Variants in MANBA observed in about 807,000 individuals in gnomAD.
MANBA encodes mannosidase beta.
MANBA carries 83 observed loss-of-function variants against 111.1 expected under a neutral mutation model. That is an observed-to-expected ratio of 0.75 (90% CI 0.63 to 0.90). The LOEUF (loss-of-function observed/expected upper bound fraction) is 0.90. MANBA is among the 40% of genes least tolerant of loss of function. The pLI is 0.00. For synonymous variants in MANBA, 370 were observed against 378.7 expected (o/e 0.98, Z 0.27); for missense variants, 1,036 against 1,069.0 (o/e 0.97, Z 0.43).
chr4:102,699,141 T>A (rs1293655196), intron 5 of MANBA, among the ~76,000 whole-genome samples: 1 of 152,194 alleles, frequency 6.6e-6, no homozygotes, highest in Non-Finnish European at 1.5e-5. Context: ...AGTTCACTCA[T>A]GATTTGGCCC....
intron 16 of MANBA, among the ~76,000 whole-genome samples, chr4:102,632,851 C>T (rs2110186331): frequency 6.6e-6 from 1 of 152,330 alleles, no homozygotes; most frequent in Non-Finnish European, 1.5e-5. Flanking sequence ...AGAGACAGTG[C>T]AATTTAAATC....
In MANBA at chr4:102,650,571, A is replaced by G; in HGVS notation, c.1835T>C (p.Leu612Ser). The G allele has an allele frequency of 6.2e-7, 1 of 1,613,488 alleles. No individual in the cohort carries two copies. Among genetic ancestry groups the G allele is most frequent in the South Asian group, 1.1e-5 (1 of 91,078 alleles). ...HFKLPQSTDP[L>S]RTFKDTIYLT... is the part of the protein sequence containing the mutation. ...GTAGATGGTATCTTTAAATGTGCGTAATGGATCTGTGCTTTGGGGGAGTTT... is the reference window on the plus strand; with the variant it reads ...GTAGATGGTATCTTTAAATGTGCGTGATGGATCTGTGCTTTGGGGGAGTTT... The change falls in exon 13 of 17, where the codon TTA becomes TCA. Residue 612 changes from leucine (L) to serine (S), a missense_variant. Physicochemically the swap from Leu to Ser is moderately radical, Grantham distance 145. Coordinates refer to ENST00000647097, the MANE Select transcript of MANBA (RefSeq NM_005908.4).
intron 7 of MANBA, among the ~76,000 whole-genome samples, chr4:102,681,365 C>T (rs1731968724): frequency 6.6e-6 from 1 of 152,030 alleles, no homozygotes; most frequent in Non-Finnish European, 1.5e-5. Context: ...AATTCTAAAG[C>T]ATTTTTTTCA....
At chr4:102,757,367 CACAG>C (rs1724068158) in intron 1 of MANBA, among the ~76,000 whole-genome samples, 1 of 152,034 alleles carries the variant, frequency 6.6e-6, no homozygotes, top group South Asian at 2.1e-4. Context: ...AATAACTTTT[CACAG>C]AGAACCCAAA....
chr4:102,631,963 G>A lies in MANBA; in HGVS notation c.*94C>T, dbSNP rs1470516321. ...GTGGCAGCACGCAGACATGTCTCTC[G>A]GCTTCTCTCCTTGTCTCTGTTGCCT... On this transcript the variant is annotated 3_prime_UTR_variant, in exon 17 of 17. Transcript: ENST00000647097. 26 of 1,086,556 alleles carry A rather than the reference G, an allele frequency of 2.4e-5. No homozygotes were observed. Among genetic ancestry groups the A allele is most frequent in the South Asian group, 8.9e-5 (7 of 78,538 alleles). 67.3% of individuals were successfully genotyped at this position (1,086,556 alleles called of 1,614,324 possible).
Position 102,631,848 on chromosome 4 carries a change from C to T in MANBA, c.*209G>A, listed in dbSNP as rs905941877. On this transcript the variant is annotated 3_prime_UTR_variant, in exon 17 of 17. Transcript: ENST00000647097. ...TGGCACAGATTCCAGGACACCCCGGCACAGGCTTGTTTGAGGACATTGCCT... is the reference window on the plus strand; with the variant it reads ...TGGCACAGATTCCAGGACACCCCGGTACAGGCTTGTTTGAGGACATTGCCT... 1 of 633,726 alleles carries T rather than the reference C, an allele frequency of 1.6e-6. No individual in the cohort carries two copies. Among genetic ancestry groups the T allele is most frequent in the Non-Finnish European group, 2.8e-6 (1 of 354,938 alleles). The allele number at this position is 633,726 out of a possible 1,614,324, so 39.3% of individuals were successfully genotyped here. A position where few individuals can be genotyped will look rare whatever the true frequency, so the allele number is the denominator to read the frequency against.
intron 1 of MANBA, among the ~76,000 whole-genome samples, chr4:102,732,523 T>C (rs28503223): frequency 6.6e-6 from 1 of 152,236 alleles, no homozygotes; most frequent in African/African-American, 2.4e-5. Context: ...ACAACATCAG[T>C]GGGAGTGTAT....
intron 1 of MANBA, among the ~76,000 whole-genome samples, chr4:102,740,251 C>T (rs1050754811): frequency 6.6e-6 from 1 of 152,042 alleles, no homozygotes. Context: ...ACATGAAAGA[C>T]CTCTACAAGG....
Position 102,657,936 on chromosome 4 carries a change from T to A in MANBA, c.1486-36A>T, listed in dbSNP as rs1730647152. ...AAATAAAATGAATTCAAGGATAATA[T>A]ATTCATCCTGTAAAGTATGTATCAT... is the stretch of plus-strand genomic sequence containing the variant. On this transcript the variant is annotated intron_variant, in intron 11 of 16. Coordinates refer to ENST00000647097, the MANE Select transcript of MANBA (RefSeq NM_005908.4). 3.6e-6 allele frequency: 5 copies of A among 1,373,182 alleles called. 1 individual carries two copies. In the East Asian group the frequency reaches 9.1e-5, roughly 25 times the overall value. 85.1% of individuals were successfully genotyped at this position (1,373,182 alleles called of 1,614,324 possible). A position where few individuals can be genotyped will look rare whatever the true frequency, so the allele number is the denominator to read the frequency against.
In MANBA at chr4:102,703,614, C is replaced by T. The variant is rs538173037; in HGVS notation, c.673+10824G>A. ...CTAGATCAGTGCTTGAGATATTCTGCAGACCCTGCACTGGATGGATCAGCT... is the reference window on the plus strand; with the variant it reads ...CTAGATCAGTGCTTGAGATATTCTGTAGACCCTGCACTGGATGGATCAGCT... On this transcript the variant is annotated intron_variant, in intron 5 of 16. Transcript: ENST00000647097. 5.3e-5 allele frequency among the ~76,000 whole-genome samples: 8 copies of T among 152,306 alleles called. No homozygotes were observed. In the East Asian group the frequency reaches 1.5e-3, roughly 29 times the overall value.
intron 5 of MANBA, among the ~76,000 whole-genome samples, chr4:102,701,553 T>G (rs1171144877): frequency 6.6e-6 from 1 of 151,978 alleles, no homozygotes; most frequent in Non-Finnish European, 1.5e-5. Flanking sequence ...AGGGCAGGCC[T>G]GGTGGTGACA....
chr4:102,731,565 G>A (rs1201546168), intron 1 of MANBA, among the ~76,000 whole-genome samples: 1 of 152,118 alleles, frequency 6.6e-6, no homozygotes, highest in African/African-American at 2.4e-5. Context: ...GCCACATTCA[G>A]CTCACTACAT....
chr4:102,651,627 G>GCTTA (rs563119890), intron 12 of MANBA, among the ~76,000 whole-genome samples: 2 of 152,008 alleles, frequency 1.3e-5, no homozygotes, highest in Non-Finnish European at 2.9e-5. Context: ...AATTAAAAAA[G>GCTTA]CTTAATCCCT....
chr4:102,752,421 A>C, intron 1 of MANBA: 1 of 918,044 alleles, frequency 1.1e-6, no homozygotes, highest in South Asian at 1.3e-5. Context: ...GCGTGACATT[A>C]GTAAAATGGT....
chr4:102,631,402 G>A lies in MANBA; in HGVS notation c.*655C>T, dbSNP rs112346774. The A allele has an allele frequency of 5.1e-3, 987 of 193,406 alleles. 1 individual carries two copies. Among genetic ancestry groups the A allele is most frequent in the Non-Finnish European group, 7.2e-3 (691 of 96,294 alleles). 12.0% of individuals were successfully genotyped at this position (193,406 alleles called of 1,614,324 possible). A position where few individuals can be genotyped will look rare whatever the true frequency, so the allele number is the denominator to read the frequency against. ...CCAGTTTACCAAGCAGAATAATAAC[G>A]AGAACTAAATGGAAATTAGGGTCCA... is the stretch of plus-strand genomic sequence containing the variant. On this transcript the variant is annotated 3_prime_UTR_variant, in exon 17 of 17. Coordinates refer to ENST00000647097, the MANE Select transcript of MANBA (RefSeq NM_005908.4).
chr4:102,716,281 C>T (rs1346546793), intron 4 of MANBA, among the ~76,000 whole-genome samples: 1 of 135,960 alleles, frequency 7.4e-6, no homozygotes, highest in Non-Finnish European at 1.5e-5. Flanking sequence ...TGCACTCCAG[C>T]CTGGGCAACA....
chr4:102,706,167 T>C (rs2110264131), intron 5 of MANBA, among the ~76,000 whole-genome samples: 1 of 152,254 alleles, frequency 6.6e-6, no homozygotes, highest in South Asian at 2.1e-4. Flanking sequence ...TTGGACTCAC[T>C]AACACCAGTG....
intron 5 of MANBA, among the ~76,000 whole-genome samples, chr4:102,710,472 AG>A (rs1722010020): frequency 6.6e-6 from 1 of 152,184 alleles, no homozygotes; most frequent in Non-Finnish European, 1.5e-5. Flanking sequence ...GACCTCTACA[AG>A]GAAAACTATA....
chr4:102,695,279 GAA>G (rs1193559200), intron 5 of MANBA, among the ~76,000 whole-genome samples: 1 of 151,440 alleles, frequency 6.6e-6, no homozygotes, highest in Non-Finnish European at 1.5e-5. Flanking sequence ...CAAAAAAAAA[GAA>G]AAAAAGCTTT....
Sources: allele counts gnomAD v4.1 joint callset (sites outside exome capture counted in the v4.1 genomes callset), GRCh38; gene constraint gnomAD v4.1.1; transcripts MANE v1.5; gene names NCBI Gene and HGNC (gene_info 2026-07-23, HGNC 2026-07-21).